The following SORCS2 variants were observed in gnomAD, a reference collection of about 807,000 sequenced individuals.
The protein encoded by SORCS2 is sortilin related VPS10 domain containing receptor 2, also known as VPS10 domain-containing receptor SorCS2.
SORCS2 carries 100 observed loss-of-function variants against 141.6 expected under a neutral mutation model. The ratio of observed to expected loss-of-function variants is 0.71; its 90% confidence interval spans 0.60 to 0.83. SORCS2 has a LOEUF of 0.83. Among genes scored for constraint, SORCS2 ranks in the 40% least tolerant of loss-of-function variants. The probability of loss-of-function intolerance (pLI) is 0.00; values close to 1 mark genes in which losing one functional copy is unlikely to be tolerated. For synonymous variants in SORCS2, 789 were observed against 676.9 expected (o/e 1.17, Z -2.57); for missense variants, 1,646 against 1,560.2 (o/e 1.05, Z -0.93).
intron 1 of SORCS2, among the ~76,000 whole-genome samples, chr4:7,269,199 C>T (rs76156294): frequency 7.3e-4 from 111 of 152,278 alleles, no homozygotes; most frequent in African/African-American, 2.6e-3. Context: ...GGATGAGGGC[C>T]GGTGATGCCA....
At chr4:7,560,502 C>T (rs1010907700) in intron 3 of SORCS2, among the ~76,000 whole-genome samples, 4 of 152,024 alleles carry the variant, frequency 2.6e-5, no homozygotes, top group South Asian at 2.1e-4. Context: ...GTGCTGCTCC[C>T]GGGAACCATG....
At chr4:7,406,099 G>GATGTGGTGT (rs1724952765) in intron 2 of SORCS2, among the ~76,000 whole-genome samples, 1 of 152,062 alleles carries the variant, frequency 6.6e-6, no homozygotes, top group Non-Finnish European at 1.5e-5. Flanking sequence ...AAATCCACTT[G>GATGTGGTGT]ATTGTGGTGT....
chr4:7,222,028 G>A lies in SORCS2; in HGVS notation c.480+28902G>A, dbSNP rs566741170. On this transcript the variant is annotated intron_variant, in intron 1 of 26. Transcript: ENST00000507866. ...AAATGGAGCAAGTGATGACCCACCC[G>A]GGCCAGGGTGGATGGGATTGGCTTT... is the stretch of plus-strand genomic sequence containing the variant. Among the ~76,000 whole-genome samples, 82 of 152,230 alleles carry A rather than the reference G, an allele frequency of 5.4e-4. 1 individual carries two copies. Among genetic ancestry groups the A allele is most frequent in the African/African-American group, 1.8e-3 (75 of 41,526 alleles).
intron 18 of SORCS2, among the ~76,000 whole-genome samples, chr4:7,722,683 C>T (rs1726673107): frequency 6.6e-6 from 1 of 152,202 alleles, no homozygotes; most frequent in Admixed American, 6.5e-5. Flanking sequence ...TAGCTAATGA[C>T]ACCTGTAAAG....
At chr4:7,203,687 T>C (rs1727592232) in intron 1 of SORCS2, among the ~76,000 whole-genome samples, 1 of 152,248 alleles carries the variant, frequency 6.6e-6, no homozygotes, top group South Asian at 2.1e-4. Context: ...TTCACTGTTT[T>C]AATGCTTTTT....
At chr4:7,266,623 T>G (rs1714752610) in intron 1 of SORCS2, among the ~76,000 whole-genome samples, 1 of 152,156 alleles carries the variant, frequency 6.6e-6, no homozygotes, top group South Asian at 2.1e-4. Context: ...AGCACTCCGG[T>G]GGTTTCCCAC....
chr4:7,621,366 T>C (rs1245191483), intron 3 of SORCS2, among the ~76,000 whole-genome samples: 1 of 151,608 alleles, frequency 6.6e-6, no homozygotes, highest in Non-Finnish European at 1.5e-5. Flanking sequence ...GTGAGTGTTA[T>C]GTTTGTGTGT....
chr4:7,199,414 G>C (rs1727363309), intron 1 of SORCS2, among the ~76,000 whole-genome samples: 1 of 152,160 alleles, frequency 6.6e-6, no homozygotes, highest in East Asian at 1.9e-4. Flanking sequence ...TGGCAAGGCT[G>C]GGGAGGTGTG....
At chr4:7,611,833 T>A (rs1718423576) in intron 3 of SORCS2, among the ~76,000 whole-genome samples, 1 of 152,254 alleles carries the variant, frequency 6.6e-6, no homozygotes, top group Non-Finnish European at 1.5e-5. Context: ...GCTGCACTGG[T>A]GCTGTTAGGA....
intron 1 of SORCS2, among the ~76,000 whole-genome samples, chr4:7,209,251 G>T (rs1270440411): frequency 6.6e-6 from 1 of 152,184 alleles, no homozygotes; most frequent in Non-Finnish European, 1.5e-5. Flanking sequence ...GCGCCCGAGA[G>T]CACGCCCCGC....
intron 3 of SORCS2, among the ~76,000 whole-genome samples, chr4:7,599,150 C>G (rs1717482198): frequency 6.6e-6 from 1 of 151,118 alleles, no homozygotes; most frequent in African/African-American, 2.4e-5. Context: ...TCATGGCCGC[C>G]CTGCAAGACG....
At chr4:7,732,638 G>C (rs897088772) in intron 23 of SORCS2, among the ~76,000 whole-genome samples, 2 of 152,054 alleles carry the variant, frequency 1.3e-5, no homozygotes, top group Admixed American at 6.5e-5. Context: ...TTCTCTTCTT[G>C]GTCTTCCGCC....
At chr4:7,359,214 T>C (rs1378127968) in intron 1 of SORCS2, among the ~76,000 whole-genome samples, 1 of 152,174 alleles carries the variant, frequency 6.6e-6, no homozygotes, top group African/African-American at 2.4e-5. Flanking sequence ...GAGAATTGCT[T>C]GAACCCAGGA....
intron 1 of SORCS2, among the ~76,000 whole-genome samples, chr4:7,300,895 G>A (rs1364981428): frequency 6.6e-6 from 1 of 152,204 alleles, no homozygotes; most frequent in Non-Finnish European, 1.5e-5. Context: ...GCCTCTCAGG[G>A]TCCTGTTGCA....
rs1361874190 is a variant in SORCS2, at chr4:7,704,194, G to C, written c.1778G>C (p.Gly593Ala). Residue 593 changes from glycine (G) to alanine (A), a missense_variant, in exon 14 of 27, where the codon GGC becomes GCC. Physicochemically the swap from Gly to Ala is moderately conservative, Grantham distance 60. Transcript: ENST00000507866. ...CCTGGCAGGTTCAGTGTGGACGAGG[G>C]CCTCACCTGGAGCACGCACAACTTC... is the stretch of plus-strand genomic sequence containing the variant. ...LKILKFSVDE[G>A]LTWSTHNFTS... The C allele has an allele frequency of 6.2e-7, 1 of 1,612,558 alleles. No individual in the cohort carries two copies. The highest frequency in any genetic ancestry group is 8.5e-7 in the Non-Finnish European group (1 of 1,179,456).
At chr4:7,279,691 C>A (rs559891793) in intron 1 of SORCS2, among the ~76,000 whole-genome samples, 115 of 152,334 alleles carry the variant, frequency 7.5e-4, no homozygotes, top group African/African-American at 2.6e-3. Flanking sequence ...CGCGGAATTA[C>A]AGGGAGGTAC....
At chr4:7,684,087 G>A (rs536561690) in intron 10 of SORCS2, among the ~76,000 whole-genome samples, 10 of 152,232 alleles carry the variant, frequency 6.6e-5, no homozygotes, top group Non-Finnish European at 8.8e-5. Flanking sequence ...CCTCTCCCGG[G>A]GCTTCTCTCC....
chr4:7,456,336 T>C (rs1250325914), intron 2 of SORCS2, among the ~76,000 whole-genome samples: 8 of 151,948 alleles, frequency 5.3e-5, no homozygotes, highest in Admixed American at 5.2e-4. Flanking sequence ...AATGAAATTA[T>C]GCGAATGAGG....
At chr4:7,528,320 A>T (rs1733826081) in intron 2 of SORCS2, among the ~76,000 whole-genome samples, 1 of 152,028 alleles carries the variant, frequency 6.6e-6, no homozygotes, top group Admixed American at 6.6e-5. Context: ...CAGGAGTTGG[A>T]CTTGGGAGTC....
Sources: allele counts gnomAD v4.1 joint callset (sites outside exome capture counted in the v4.1 genomes callset), GRCh38; gene constraint gnomAD v4.1.1; transcripts MANE v1.5; gene names NCBI Gene and HGNC (gene_info 2026-07-23, HGNC 2026-07-21).